Variants in EYA4 observed in about 807,000 individuals in gnomAD.
EYA4 encodes the protein EYA transcriptional coactivator and phosphatase 4.
In EYA4, 31 loss-of-function variants were observed where a neutral mutation model predicts 87.9. The ratio of observed to expected loss-of-function variants is 0.35; its 90% confidence interval spans 0.27 to 0.48. The LOEUF is 0.48. Ranked by LOEUF, EYA4 falls within the 20% of genes least tolerant of loss-of-function variation. The probability of loss-of-function intolerance (pLI) is 0.99; values close to 1 mark genes in which losing one functional copy is unlikely to be tolerated. For missense variants in EYA4, 678 were observed against 761.4 expected, an observed-to-expected ratio of 0.89 and a Z score of 1.29; for synonymous variants, 263 against 270.6, an observed-to-expected ratio of 0.97 and a Z score of 0.28.
rs146297190 is a variant in EYA4, at chr6:133,427,252, A to T, written c.84-19378A>T. Among the ~76,000 whole-genome samples the T allele has an allele frequency of 3.0e-3, 454 of 152,334 alleles. 1 individual carries two copies. The highest frequency in any genetic ancestry group is 0.01 in the African/African-American group (429 of 41,570). On this transcript the variant is annotated intron_variant, in intron 3 of 19. Coordinates refer to ENST00000355286, the MANE Select transcript of EYA4 (RefSeq NM_004100.5). ...ATTTCTTGAGTGGAATTACAAAACC[A>T]TATTCACTTATCTAAAATGTAGCAT...
chr6:133,449,423 A>G (rs1793179746), intron 5 of EYA4, among the ~76,000 whole-genome samples: 1 of 152,270 alleles, frequency 6.6e-6, no homozygotes, highest in Non-Finnish European at 1.5e-5. Context: ...GTTTAACACA[A>G]GCAACATTAT....
intron 3 of EYA4, among the ~76,000 whole-genome samples, chr6:133,403,499 T>C (rs1325671888): frequency 1.3e-5 from 2 of 152,226 alleles, no homozygotes; most frequent in African/African-American, 4.8e-5. Flanking sequence ...TACAACTTTG[T>C]TCTTGTATGT....
At chr6:133,413,137 C>A (rs1789389501) in intron 3 of EYA4, among the ~76,000 whole-genome samples, 1 of 152,156 alleles carries the variant, frequency 6.6e-6, no homozygotes, top group South Asian at 2.1e-4. Flanking sequence ...CCAATTTGTT[C>A]TTTATTCTCA....
intron 2 of EYA4, among the ~76,000 whole-genome samples, chr6:133,285,394 T>A (rs912296393): frequency 1.3e-5 from 2 of 151,704 alleles, no homozygotes; most frequent in Non-Finnish European, 2.9e-5. Flanking sequence ...AACCGTGAGG[T>A]GGTAGCATGC....
At position 133,529,680 on chromosome 6, in the gene EYA4, T is replaced by G; in HGVS notation, c.*875T>G. ...AGGAAAGCTTGTGTTTCATTTGGGTTCTTAATAATTCCAATAATTGTATGA... is the reference window on the plus strand; with the variant it reads ...AGGAAAGCTTGTGTTTCATTTGGGTGCTTAATAATTCCAATAATTGTATGA... On this transcript the variant is annotated 3_prime_UTR_variant, in exon 20 of 20. Coordinates refer to ENST00000355286, the MANE Select transcript of EYA4 (RefSeq NM_004100.5). The G allele has an allele frequency of 1.0e-6, 1 of 984,888 alleles. No homozygotes were observed. The highest frequency in any genetic ancestry group is 1.2e-6 in the Non-Finnish European group (1 of 829,416). 61.0% of individuals were successfully genotyped at this position (984,888 alleles called of 1,614,324 possible). A position where few individuals can be genotyped will look rare whatever the true frequency, so the allele number is the denominator to read the frequency against.
At chr6:133,340,661 G>A (rs993608198) in intron 2 of EYA4, among the ~76,000 whole-genome samples, 1 of 152,164 alleles carries the variant, frequency 6.6e-6, no homozygotes, top group South Asian at 2.1e-4. Context: ...GCCAAGAGGC[G>A]GCAGAGGAGG....
At chr6:133,334,998 C>A (rs1251468267) in intron 2 of EYA4, among the ~76,000 whole-genome samples, 1 of 152,156 alleles carries the variant, frequency 6.6e-6, no homozygotes, top group African/African-American at 2.4e-5. Flanking sequence ...GCTAATTGAC[C>A]ATTTGATATA....
At chr6:133,250,100 A>G (rs895851972) in intron 1 of EYA4, among the ~76,000 whole-genome samples, 7 of 152,202 alleles carry the variant, frequency 4.6e-5, no homozygotes, top group Admixed American at 1.3e-4. Flanking sequence ...AGTGACTATT[A>G]CAAGGTGGGA....
At chr6:133,437,706 G>A (rs1221076103) in intron 3 of EYA4, among the ~76,000 whole-genome samples, 3 of 152,132 alleles carry the variant, frequency 2.0e-5, no homozygotes, top group Non-Finnish European at 2.9e-5. Context: ...AGGTGACCGG[G>A]AAGCAAGGCA....
intron 19 of EYA4, among the ~76,000 whole-genome samples, chr6:133,525,524 C>CAT (rs776491797): frequency 6.6e-6 from 1 of 151,806 alleles, no homozygotes; most frequent in South Asian, 2.1e-4. Flanking sequence ...TATATAGTAA[C>CAT]ATATATATTT....
chr6:133,494,436 G>A (rs1797451552), intron 13 of EYA4, among the ~76,000 whole-genome samples: 2 of 152,070 alleles, frequency 1.3e-5, no homozygotes. Flanking sequence ...GCAGTTAGTG[G>A]GAATGGTTAA....
intron 1 of EYA4, among the ~76,000 whole-genome samples, chr6:133,273,118 A>ATATATAT (rs1562233057): frequency 7.8e-6 from 1 of 128,054 alleles, no homozygotes; most frequent in African/African-American, 3.7e-5. Flanking sequence ...TATATATATA[A>ATATATAT]AGGGAAGTTT....
At chr6:133,501,923 G>A (rs1028179920) in intron 13 of EYA4, among the ~76,000 whole-genome samples, 8 of 152,184 alleles carry the variant, frequency 5.3e-5, no homozygotes, top group Admixed American at 2.0e-4. Context: ...GCTAATAGGC[G>A]TTAGTATTTT....
upstream of EYA4, chr6:133,240,966 C>G (rs1453091727): frequency 6.6e-6 from 1 of 152,134 alleles, no homozygotes; most frequent in Non-Finnish European, 1.5e-5. Flanking sequence ...GGCTCTCCGG[C>G]CCAGGGAGGA....
chr6:133,312,497 A>C lies in EYA4; in HGVS notation c.33+37684A>C, dbSNP rs935678685. On this transcript the variant is annotated intron_variant, in intron 2 of 19. Coordinates refer to ENST00000355286, the MANE Select transcript of EYA4 (RefSeq NM_004100.5). The stretch of plus-strand genomic sequence containing the variant: ...GATTCCTATCTCATTTGAAAAACAC[A>C]CCTAAAAATGCCTAACTCATTATGG... 5.3e-5 allele frequency among the ~76,000 whole-genome samples: 8 copies of C among 152,266 alleles called. No individual in the cohort carries two copies. The East Asian group carries it at 1.5e-3, about 29-fold the overall frequency.
At chr6:133,463,596 G>A (rs1289788400) in intron 9 of EYA4, among the ~76,000 whole-genome samples, 2 of 151,948 alleles carry the variant, frequency 1.3e-5, no homozygotes. Flanking sequence ...CCTGATCTCA[G>A]GTGACCCGCC....
chr6:133,332,657 C>T (rs1334102442), intron 2 of EYA4, among the ~76,000 whole-genome samples: 4 of 152,156 alleles, frequency 2.6e-5, no homozygotes, highest in Middle Eastern at 3.4e-3. Flanking sequence ...TATTCCCCTG[C>T]CTCAGCCTCC....
intron 2 of EYA4, among the ~76,000 whole-genome samples, chr6:133,294,021 TTTTATATATATATATATATATATATATA>T (rs1381468143): frequency 5.6e-5 from 2 of 35,644 alleles, no homozygotes; most frequent in Non-Finnish European, 9.8e-5. Flanking sequence ...CCTAGGGTGA[TTTTATATATATATATATATATATATATA>T]TATATATATA....
intron 2 of EYA4, among the ~76,000 whole-genome samples, chr6:133,344,983 C>T (rs1783084118): frequency 6.6e-6 from 1 of 152,074 alleles, no homozygotes; most frequent in South Asian, 2.1e-4. Context: ...TAAATAGATG[C>T]CTTCCATTTT....
Sources: gnomAD v4.1 joint callset for allele counts (sites outside exome capture counted in the v4.1 genomes callset) on GRCh38, gnomAD v4.1.1 for gene constraint, MANE v1.5 for transcripts, NCBI Gene and HGNC (gene_info 2026-07-23, HGNC 2026-07-21) for gene names.